DOCK1: variants seen among roughly 807,000 people sequenced by gnomAD.
The protein encoded by DOCK1 is dedicator of cytokinesis 1.
Under a neutral mutation model 262.7 loss-of-function variants are expected in DOCK1, and 138 were observed. The ratio of observed to expected loss-of-function variants is 0.53; its 90% CI spans 0.46 to 0.61. The LOEUF (loss-of-function observed/expected upper bound fraction) is 0.61. Ranked by LOEUF, DOCK1 falls within the 20% of genes least tolerant of loss-of-function variation. The pLI is 0.00. For missense variants in DOCK1, 1,908 were observed against 2,370.7 expected (o/e 0.80, Z 4.05); for synonymous variants, 866 against 867.4 (o/e 1.00, Z 0.03).
rs144852587 is a variant in DOCK1 at position 127,147,274 on chromosome 10, A to G, written c.2847+19510A>G. On this transcript the variant is annotated intron_variant, in intron 27 of 51. Coordinates refer to ENST00000623213, the MANE Select transcript of DOCK1 (RefSeq NM_001290223.2). ...GTGTTCACGGGTCGCGAGGTTTCCCATCCATCCTTGGGGGTGCCCTGGCTG... is the reference window on the plus strand; with the variant it reads ...GTGTTCACGGGTCGCGAGGTTTCCCGTCCATCCTTGGGGGTGCCCTGGCTG... Among the ~76,000 whole-genome samples, 1,004 of 152,148 alleles carry G rather than the reference A, an allele frequency of 6.6e-3. 4 individuals are homozygous for G. The highest frequency in any genetic ancestry group is 0.012 in the Admixed American group (176 of 15,276).
At chr10:127,245,519 G>A (rs752024279) in intron 27 of DOCK1, among the ~76,000 whole-genome samples, 4 of 152,126 alleles carry the variant, frequency 2.6e-5, no homozygotes, top group Non-Finnish European at 4.4e-5. Flanking sequence ...ACTTCCCCAC[G>A]GGGCATTTAC....
intron 1 of DOCK1, among the ~76,000 whole-genome samples, chr10:126,955,765 C>T (rs959919474): frequency 2.6e-5 from 4 of 152,138 alleles, no homozygotes; most frequent in African/African-American, 9.7e-5. Context: ...TGCACAGGGG[C>T]TGTGAGCAGT....
chr10:127,331,264 G>A (rs750269815), intron 29 of DOCK1, among the ~76,000 whole-genome samples: 11 of 152,160 alleles, frequency 7.2e-5, no homozygotes, highest in Non-Finnish European at 1.6e-4. Flanking sequence ...AGTTTTTGTT[G>A]TTGTTGTTGT....
chr10:127,343,798 C>T (rs1454579518), intron 31 of DOCK1, 52 bp downstream of exon 31: 3 of 1,385,912 alleles, frequency 2.2e-6, no homozygotes, highest in South Asian at 1.3e-5. Context: ...CAACTCTAAT[C>T]GCATAATTTT....
At chr10:127,237,287 G>C (rs1187648033) in intron 27 of DOCK1, among the ~76,000 whole-genome samples, 3 of 150,208 alleles carry the variant, frequency 2.0e-5, no homozygotes, top group East Asian at 3.9e-4. Context: ...TTGAACTCGG[G>C]AGGCAGAGGT....
At chr10:127,321,138 A>T (rs1389634735) in intron 29 of DOCK1, among the ~76,000 whole-genome samples, 1 of 151,896 alleles carries the variant, frequency 6.6e-6, no homozygotes, top group Admixed American at 6.6e-5. Flanking sequence ...AGTAGCTTCC[A>T]TGACCCCGCG....
chr10:127,068,512 C>T (rs566121423), intron 23 of DOCK1, among the ~76,000 whole-genome samples: 14 of 22,570 alleles, frequency 6.2e-4, no homozygotes, highest in African/African-American at 9.1e-4. Flanking sequence ...GTATCAAGTC[C>T]TGGTTTGCAT....
In DOCK1 at chr10:127,044,612, G is replaced by A. The variant is rs551799561; in HGVS notation, c.2201+1448G>A. On this transcript the variant is annotated intron_variant, in intron 21 of 51. Coordinates refer to ENST00000623213, the MANE Select transcript of DOCK1 (RefSeq NM_001290223.2). Reference sequence around the variant, plus strand: ...GCAGCAAACGTAGCACGGCCTCCACGTGTGCTCATTTTCAAAATTCTGCCT... The same window carrying A: ...GCAGCAAACGTAGCACGGCCTCCACATGTGCTCATTTTCAAAATTCTGCCT... 3.3e-5 allele frequency among the ~76,000 whole-genome samples: 5 copies of A among 152,214 alleles called. No individual in the cohort carries two copies. In the East Asian group the frequency reaches 9.7e-4, roughly 30 times the overall value.
chr10:127,224,406 A>G (rs933683924), intron 27 of DOCK1, among the ~76,000 whole-genome samples: 2 of 152,094 alleles, frequency 1.3e-5, no homozygotes, highest in Non-Finnish European at 2.9e-5. Flanking sequence ...TAATAAAAAT[A>G]CAAAAAATAG....
Position 127,125,491 on chromosome 10 carries a change from C to G in DOCK1, c.2641C>G (p.Leu881Val). ...CTGTGTAGACTGCAGAGAGATCCTGCTTCCCATGATGACCGATCAGCTCAA... is the reference window on the plus strand; with the variant it reads ...CTGTGTAGACTGCAGAGAGATCCTGGTTCCCATGATGACCGATCAGCTCAA... The part of the protein sequence containing the change: ...FTQHDCREIL[L>V]PMMTDQLKYH... The change falls in exon 26 of 52, where the codon CTT (leucine) becomes GTT (valine). Residue 881 changes from leucine to valine, a missense_variant. Leu to Val is a conservative substitution (Grantham distance 32, BLOSUM62 1). Transcript: ENST00000623213. The G allele has an allele frequency of 6.2e-7, 1 of 1,613,340 alleles. No individual in the cohort carries two copies. The highest frequency in any genetic ancestry group is 8.5e-7 in the Non-Finnish European group (1 of 1,179,822).
chr10:127,105,155 G>C (rs555765897), intron 23 of DOCK1, among the ~76,000 whole-genome samples: 58 of 152,288 alleles, frequency 3.8e-4, no homozygotes, highest in African/African-American at 1.3e-3. Flanking sequence ...CATGTAAGAT[G>C]TGCTTTTGCT....
chr10:127,428,507 G>A (rs1294428359), intron 47 of DOCK1, among the ~76,000 whole-genome samples: 2 of 150,442 alleles, frequency 1.3e-5, no homozygotes, highest in African/African-American at 4.9e-5. Context: ...GTGTCGTGTG[G>A]ATTGGGGTGC....
chr10:127,247,134 C>T (rs75430345), intron 27 of DOCK1, among the ~76,000 whole-genome samples: 2,056 of 152,344 alleles, frequency 0.013, 37 homozygotes, highest in African/African-American at 0.042. Context: ...CGCAAACAAA[C>T]GTGTGCACAC....
chr10:126,985,823 T>C lies in DOCK1; in HGVS notation c.228-1698T>C, dbSNP rs185287582. On this transcript the variant is annotated intron_variant, in intron 4 of 51. Coordinates refer to ENST00000623213, the MANE Select transcript of DOCK1 (RefSeq NM_001290223.2). ...AGTCATGTTCTTCAGTAGACACTGA[T>C]GGTGGCCCATGAAAGGGTCATTTTG... is the stretch of plus-strand genomic sequence containing the variant. 1.1e-3 allele frequency among the ~76,000 whole-genome samples: 174 copies of C among 152,228 alleles called. 1 individual carries two copies. Among genetic ancestry groups the C allele is most frequent in the African/African-American group, 2.1e-3 (89 of 41,548 alleles).
At position 127,066,667 on chromosome 10, in the gene DOCK1, G is replaced by C. The variant is rs575024365; in HGVS notation, c.2445+4891G>C. 2.0e-5 allele frequency among the ~76,000 whole-genome samples: 3 copies of C among 152,324 alleles called. No homozygotes were observed. The East Asian group carries it at 5.8e-4, about 29-fold the overall frequency. On this transcript the variant is annotated intron_variant, in intron 23 of 51. Transcript: ENST00000623213. Reference sequence around the variant, plus strand: ...TCCTGAGGGTTAGCTCCCCCAATCAGTGGTTGATAGAAATAGCATGAGCGC... The same window carrying C: ...TCCTGAGGGTTAGCTCCCCCAATCACTGGTTGATAGAAATAGCATGAGCGC...
At chr10:127,021,509 T>G (rs1218729848) in intron 13 of DOCK1, among the ~76,000 whole-genome samples, 2 of 152,146 alleles carry the variant, frequency 1.3e-5, no homozygotes, top group Non-Finnish European at 2.9e-5. Flanking sequence ...TGATAGAATT[T>G]TTAGGCTGAG....
intron 46 of DOCK1, among the ~76,000 whole-genome samples, chr10:127,421,614 A>T (rs1272560845): frequency 6.6e-6 from 1 of 152,058 alleles, no homozygotes; most frequent in African/African-American, 2.4e-5. Context: ...CTACCCATTG[A>T]ACGACTTCCC....
intron 29 of DOCK1, among the ~76,000 whole-genome samples, chr10:127,262,181 T>G (rs564082090): frequency 2.1e-5 from 3 of 144,814 alleles, no homozygotes; most frequent in Admixed American, 6.9e-5. Context: ...TGGGTGTGTG[T>G]GTGTGTGTAC....
chr10:127,222,010 G>T (rs142565762), intron 27 of DOCK1, among the ~76,000 whole-genome samples: 1 of 149,108 alleles, frequency 6.7e-6, no homozygotes, highest in African/African-American at 2.5e-5. Context: ...GTGTAAACTT[G>T]CTTGCTGCGT....
Sources: allele counts gnomAD v4.1 joint callset (sites outside exome capture counted in the v4.1 genomes callset), GRCh38; gene constraint gnomAD v4.1.1; transcripts MANE v1.5; gene names NCBI Gene and HGNC (gene_info 2026-07-23, HGNC 2026-07-21).